DNAJB4: variants seen among roughly 807,000 people sequenced by gnomAD.
The protein encoded by DNAJB4 is DnaJ heat shock protein family (Hsp40) member B4.
DNAJB4 carries 10 observed loss-of-function variants against 26.6 expected under a neutral mutation model. The observed-to-expected ratio is 0.38, with a 90% CI of 0.23 to 0.64. The LOEUF (loss-of-function observed/expected upper bound fraction) is 0.64. Ranked by LOEUF, DNAJB4 falls within the 30% of genes least tolerant of loss-of-function variation. The pLI is 0.58. For missense variants in DNAJB4, 328 were observed against 408.2 expected (o/e 0.80, Z 1.69); for synonymous variants, 136 against 134.8 (o/e 1.01, Z -0.06).
At chr1:78,004,665 G>A (rs1373833931), upstream of DNAJB4, 1 of 164,688 alleles carries the variant, frequency 6.1e-6, no homozygotes, top group Admixed American at 5.9e-5. Flanking sequence ...TAAATATATA[G>A]TTGTGACATT....
intron 1 of DNAJB4, among the ~76,000 whole-genome samples, chr1:77,992,080 G>A (rs1659942851): frequency 6.6e-6 from 1 of 152,120 alleles, no homozygotes; most frequent in South Asian, 2.1e-4. Flanking sequence ...ACATAACCAT[G>A]GCAAATGTTT....
intron 1 of DNAJB4, among the ~76,000 whole-genome samples, chr1:77,980,823 A>G (rs1233223274): frequency 6.6e-6 from 1 of 152,204 alleles, no homozygotes; most frequent in Non-Finnish European, 1.5e-5. Flanking sequence ...AGTAGTATCC[A>G]TTTATAGCTC....
intron 1 of DNAJB4, among the ~76,000 whole-genome samples, chr1:77,989,962 C>T (rs1047014886): frequency 2.3e-4 from 35 of 152,208 alleles, no homozygotes; most frequent in Admixed American, 2.3e-3. Context: ...GAACATCTCT[C>T]TTACATCTCA....
chr1:77,983,159 T>G (rs1300202521), intron 1 of DNAJB4, among the ~76,000 whole-genome samples: 1 of 152,128 alleles, frequency 6.6e-6, no homozygotes, highest in Non-Finnish European at 1.5e-5. Flanking sequence ...ATAGACAAGG[T>G]AAAGGATTAA....
chr1:77,992,115 T>C (rs1659943649), intron 1 of DNAJB4, among the ~76,000 whole-genome samples: 1 of 152,096 alleles, frequency 6.6e-6, no homozygotes, highest in Non-Finnish European at 1.5e-5. Flanking sequence ...ATGGGTTTTA[T>C]AGAACATAAC....
rs1660645487 is a variant in DNAJB4, at chr1:78,016,428, A to G, written c.*181A>G. The G allele has an allele frequency of 7.0e-6, 4 of 575,376 alleles. No individual in the cohort carries two copies. In the East Asian group the frequency reaches 1.1e-4, roughly 17 times the overall value. 35.6% of individuals were successfully genotyped at this position (575,376 alleles called of 1,614,324 possible). On this transcript the variant is annotated 3_prime_UTR_variant, in exon 3 of 3. Coordinates refer to ENST00000370763, the MANE Select transcript of DNAJB4 (RefSeq NM_007034.5). ...AAAAGGGATTTTTACAGTTAGAGAT[A>G]AAAGAGAAAACCATTCACTGTATTT...
Position 78,012,995 on chromosome 1 carries a change from GTTTAACT to G in DNAJB4, c.212-50_212-44del, listed in dbSNP as rs550897652. The G allele has an allele frequency of 1.1e-4, 155 of 1,467,912 alleles. No individual in the cohort carries two copies. In the African/African-American group the frequency reaches 2.1e-3, roughly 20 times the overall value. The allele number at this position is 1,467,912 out of a possible 1,614,324, so 90.9% of individuals were successfully genotyped here. Reference sequence around the variant, plus strand: ...TTTATTAGCAATACAGTTTTTGAAAGTTTAACTTTTAAGAGTTGCAAGCTTTTTTCTA... The same window carrying G: ...TTTATTAGCAATACAGTTTTTGAAAGTTTAAGAGTTGCAAGCTTTTTTCTA... On this transcript the variant is annotated intron_variant, in intron 1 of 2. Coordinates refer to ENST00000370763, the MANE Select transcript of DNAJB4 (RefSeq NM_007034.5).
chr1:77,991,579 C>T (rs893153891), intron 1 of DNAJB4, among the ~76,000 whole-genome samples: 1 of 145,360 alleles, frequency 6.9e-6, no homozygotes. Flanking sequence ...CAACCCCTCC[C>T]ACCATCTCTA....
upstream of DNAJB4, among the ~76,000 whole-genome samples, chr1:78,003,844 C>G (rs1229387290): frequency 2.6e-5 from 4 of 151,926 alleles, no homozygotes; most frequent in Non-Finnish European, 5.9e-5. Context: ...CAGCAAATAA[C>G]CATGAAGATT....
chr1:78,005,540 G>A (rs1660311057), intron 1 of DNAJB4, among the ~76,000 whole-genome samples: 1 of 152,028 alleles, frequency 6.6e-6, no homozygotes, highest in Non-Finnish European at 1.5e-5. Context: ...AAATGTCCTT[G>A]TTTGCCTTTT....
intron 1 of DNAJB4, among the ~76,000 whole-genome samples, chr1:78,010,948 A>T (rs1456496066): frequency 6.6e-6 from 1 of 152,218 alleles, no homozygotes; most frequent in Non-Finnish European, 1.5e-5. Flanking sequence ...TGTATGCATG[A>T]GCAGTGCAAA....
chr1:77,985,094 A>G (rs1054919281), intron 1 of DNAJB4, among the ~76,000 whole-genome samples: 8 of 138,194 alleles, frequency 5.8e-5, no homozygotes, highest in Non-Finnish European at 9.1e-5. Context: ...AACCAAAAAC[A>G]TCTTAATTTT....
At chr1:77,998,395 A>T (rs977798120) in intron 1 of DNAJB4, among the ~76,000 whole-genome samples, 1 of 152,218 alleles carries the variant, frequency 6.6e-6, no homozygotes, top group African/African-American at 2.4e-5. Flanking sequence ...GTCATTGCCT[A>T]AAAAAGGACA....
chr1:77,998,453 G>T (rs1660115203), intron 1 of DNAJB4, among the ~76,000 whole-genome samples: 1 of 152,158 alleles, frequency 6.6e-6, no homozygotes, highest in African/African-American at 2.4e-5. Context: ...AACAATTTAA[G>T]CTTAAATGGA....
chr1:77,989,269 T>G (rs1392125206), intron 1 of DNAJB4, among the ~76,000 whole-genome samples: 1 of 152,232 alleles, frequency 6.6e-6, no homozygotes, highest in Non-Finnish European at 1.5e-5. Context: ...AATTTTATCT[T>G]CTTTGAGATG....
upstream of DNAJB4, among the ~76,000 whole-genome samples, chr1:78,000,547 T>A (rs1660166312): frequency 6.6e-6 from 1 of 152,210 alleles, no homozygotes; most frequent in Non-Finnish European, 1.5e-5. Flanking sequence ...TCGGCAAATA[T>A]AATCACTTTT....
Position 78,013,401 on chromosome 1 carries a change from G to T in DNAJB4, c.562G>T (p.Ala188Ser), listed in dbSNP as rs113900344. The change falls in exon 2 of 3, where the codon GCT (alanine) becomes TCT (serine). Residue 188 changes from alanine to serine, a missense_variant. Transcript: ENST00000370763. ...RMKISRKRLNADGRSYRSEDK... is the reference protein window; with the variant it reads ...RMKISRKRLNSDGRSYRSEDK... ...GAAGATTTCTCGAAAAAGGCTAAACGCTGATGGAAGGAGTTACAGATCTGA... is the reference window on the plus strand; with the variant it reads ...GAAGATTTCTCGAAAAAGGCTAAACTCTGATGGAAGGAGTTACAGATCTGA... The T allele has an allele frequency of 9.9e-6, 16 of 1,614,156 alleles. No individual in the cohort carries two copies. The African/African-American group carries it at 1.2e-4, about 12-fold the overall frequency.
chr1:77,990,559 C>T lies in DNAJB4; in HGVS notation c.-32+10237C>T, dbSNP rs183708209. The stretch of plus-strand genomic sequence containing the variant: ...TAACTAGGAATGCAGTCTTATGCAG[C>T]AAAACTTACCAACTATTGAAGTAGC... On this transcript the variant is annotated intron_variant, in intron 1 of 2. Coordinates refer to the DNAJB4 transcript ENST00000426517. Among the ~76,000 whole-genome samples the T allele has an allele frequency of 6.6e-5, 10 of 152,278 alleles. 1 individual carries two copies. In the East Asian group the frequency reaches 1.9e-3, roughly 29 times the overall value.
chr1:78,013,414 G>A lies in DNAJB4; in HGVS notation c.575G>A (p.Ser192Asn). ...SRKRLNADGRSYRSEDKILTI... is the reference protein window; with the variant it reads ...SRKRLNADGRNYRSEDKILTI... ...AAAAGGCTAAACGCTGATGGAAGGA[G>A]TTACAGATCTGAGGACAAAATTCTT... Residue 192 changes from serine (S) to asparagine (N), a missense_variant, in exon 2 of 3, where the codon AGT (serine) becomes AAT (asparagine). Physicochemically the swap from Ser to Asn is conservative, Grantham distance 46. Coordinates refer to ENST00000370763, the MANE Select transcript of DNAJB4 (RefSeq NM_007034.5). The A allele has an allele frequency of 1.2e-6, 2 of 1,614,164 alleles. No individual in the cohort carries two copies. Among genetic ancestry groups the A allele is most frequent in the African/African-American group, 1.3e-5 (1 of 75,036 alleles).
Sources: gnomAD v4.1 joint callset for allele counts (sites outside exome capture counted in the v4.1 genomes callset) on GRCh38, gnomAD v4.1.1 for gene constraint, MANE v1.5 for transcripts, NCBI Gene and HGNC (gene_info 2026-07-23, HGNC 2026-07-21) for gene names.